The following NWD2 variants were observed in gnomAD, a reference collection of about 807,000 sequenced individuals.
The protein encoded by NWD2 is NACHT and WD repeat domain-containing protein 2.
In NWD2, 37 loss-of-function variants were observed where a neutral mutation model predicts 132.7. That is an observed-to-expected ratio of 0.28 (90% CI 0.21 to 0.37). NWD2 has a LOEUF of 0.37. NWD2 is among the 10% of genes least tolerant of loss of function. NWD2 has a pLI of 1.00. For synonymous variants in NWD2, 705 were observed against 803.0 expected (o/e 0.88, Z 2.06); for missense variants, 1,592 against 2,122.4 (o/e 0.75, Z 4.91).
chr4:37,244,856 G>A lies in NWD2; in HGVS notation c.-212G>A, dbSNP rs1341099119. ...AGGCCCAGAAGGGCAGGAGACCGCC[G>A]CGACAGGAGCCCGAGGGTCCGTATG... On this transcript the variant is annotated 5_prime_UTR_variant, in exon 1 of 7. Coordinates refer to ENST00000309447, the MANE Select transcript of NWD2 (RefSeq NM_001144990.2). The surrounding 1 kb of genome is among the most constrained non-coding windows in gnomAD (Gnocchi z 5.5). 1.2e-5 allele frequency: 7 copies of A among 577,062 alleles called. No homozygotes were observed. Among genetic ancestry groups the A allele is most frequent in the Middle Eastern group, 9.3e-4 (2 of 2,144 alleles). 35.7% of individuals were successfully genotyped at this position (577,062 alleles called of 1,614,324 possible). A position where few individuals can be genotyped will look rare whatever the true frequency, so the allele number is the denominator to read the frequency against.
intron 3 of NWD2, among the ~76,000 whole-genome samples, chr4:37,421,229 T>C (rs1274681700): frequency 6.6e-6 from 1 of 152,178 alleles, no homozygotes; most frequent in East Asian, 1.9e-4. Flanking sequence ...ATTCCAGTAA[T>C]CCTTACACAT....
intron 3 of NWD2, among the ~76,000 whole-genome samples, chr4:37,423,203 G>A (rs1019308695): frequency 6.6e-6 from 1 of 152,112 alleles, no homozygotes; most frequent in African/African-American, 2.4e-5. Flanking sequence ...CTTCATGTCT[G>A]TTGGTGCCAA....
At chr4:37,357,801 G>A (rs944138151) in intron 3 of NWD2, among the ~76,000 whole-genome samples, 4 of 152,048 alleles carry the variant, frequency 2.6e-5, no homozygotes, top group Admixed American at 6.6e-5. Flanking sequence ...GAATACCAGC[G>A]AGGGGAGAGA....
At chr4:37,248,345 G>A (rs1159136197) in intron 1 of NWD2, among the ~76,000 whole-genome samples, 2 of 152,140 alleles carry the variant, frequency 1.3e-5, no homozygotes, top group African/African-American at 2.4e-5. Flanking sequence ...ATTTCAAAAT[G>A]TGCTGGACTC....
chr4:37,441,529 G>C (rs1712484760), intron 6 of NWD2, among the ~76,000 whole-genome samples: 1 of 152,220 alleles, frequency 6.6e-6, no homozygotes, highest in South Asian at 2.1e-4. Context: ...AAGAGGTCAA[G>C]ACTTATGTGG....
intron 1 of NWD2, among the ~76,000 whole-genome samples, chr4:37,294,372 T>G (rs976309002): frequency 4.3e-4 from 65 of 152,282 alleles, no homozygotes; most frequent in African/African-American, 1.4e-3. Flanking sequence ...ATGTCTGCTT[T>G]TATATGCCCC....
chr4:37,419,077 G>A (rs2928284), intron 3 of NWD2, among the ~76,000 whole-genome samples: 35,167 of 151,908 alleles, frequency 0.23, 4,921 homozygotes, highest in Non-Finnish European at 0.3. Context: ...ACAGAACAGA[G>A]GCCTCAGAAA....
At chr4:37,277,377 C>G (rs1346942276) in intron 1 of NWD2, among the ~76,000 whole-genome samples, 1 of 151,218 alleles carries the variant, frequency 6.6e-6, no homozygotes, top group Admixed American at 6.6e-5. Flanking sequence ...GCCTTTTTTT[C>G]TCTTCTTCTG....
intron 1 of NWD2, among the ~76,000 whole-genome samples, chr4:37,276,667 C>T (rs540512424): frequency 1.3e-5 from 2 of 152,124 alleles, no homozygotes; most frequent in South Asian, 4.2e-4. Flanking sequence ...AATCATGCTG[C>T]TATAAAGACA....
intron 3 of NWD2, among the ~76,000 whole-genome samples, chr4:37,384,647 T>A (rs1720522469): frequency 6.6e-6 from 1 of 152,222 alleles, no homozygotes. Context: ...CTCAGCTATG[T>A]CTTCTCTTGC....
intron 1 of NWD2, among the ~76,000 whole-genome samples, chr4:37,285,099 C>G (rs1718202400): frequency 6.6e-6 from 1 of 152,108 alleles, no homozygotes; most frequent in Admixed American, 6.6e-5. Context: ...CGTTTCTACA[C>G]CCAGCCCCTT....
intron 2 of NWD2, among the ~76,000 whole-genome samples, chr4:37,329,587 T>C (rs1022982658): frequency 6.6e-6 from 1 of 151,476 alleles, no homozygotes; most frequent in East Asian, 2.0e-4. Context: ...CACACTCCAG[T>C]CTGGACAACA....
Position 37,400,493 on chromosome 4 carries a change from G to T in NWD2, c.358-30079G>T, listed in dbSNP as rs192745807. Among the ~76,000 whole-genome samples, 11 of 152,226 alleles carry T rather than the reference G, an allele frequency of 7.2e-5. 2 individuals are homozygous for T. Among genetic ancestry groups the T allele is most frequent in the African/African-American group, 2.6e-4 (11 of 41,544 alleles). On this transcript the variant is annotated intron_variant, in intron 3 of 6. Coordinates refer to ENST00000309447, the MANE Select transcript of NWD2 (RefSeq NM_001144990.2). The stretch of plus-strand genomic sequence containing the variant: ...CTCTCATCATCAATTCACTTAGAAG[G>T]ACCATTTTCAATAGAAAAATGTACC...
At chr4:37,292,463 TG>T (rs144954371) in intron 1 of NWD2, among the ~76,000 whole-genome samples, 1,738 of 152,258 alleles carry the variant, frequency 0.011, 39 homozygotes, top group African/African-American at 0.04. Flanking sequence ...TTCAGTGCCT[TG>T]ATCTTGGACT....
At chr4:37,430,423 A>C in intron 3 of NWD2, 149 bp from the exon 4 acceptor site, 1 of 628,460 alleles carries the variant, frequency 1.6e-6, no homozygotes, top group Non-Finnish European at 2.8e-6. Flanking sequence ...TTAGGAAATC[A>C]ACTATCCACT....
At chr4:37,253,611 G>A (rs1440890535) in intron 1 of NWD2, among the ~76,000 whole-genome samples, 1 of 152,116 alleles carries the variant, frequency 6.6e-6, no homozygotes, top group East Asian at 1.9e-4. Flanking sequence ...AAGACAATGA[G>A]GTACAAGCTA....
In NWD2 at chr4:37,245,211, C is replaced by A; in HGVS notation, c.144C>A (p.Asn48Lys). Residue 48 changes from asparagine (N) to lysine (K), a missense_variant, in exon 1 of 7, where the codon AAC (asparagine) becomes AAA (lysine). This residue lies in a region of NWD2 where 88 missense variants were observed against 92.8 expected (regional missense o/e 0.95). Coordinates refer to ENST00000309447, the MANE Select transcript of NWD2 (RefSeq NM_001144990.2). ...GCGTCCGGGTCTTCATCAGCGCCAACCCTGAAGGTACGTCCCTCGCTCGGG... is the reference window on the plus strand; with the variant it reads ...GCGTCCGGGTCTTCATCAGCGCCAAACCTGAAGGTACGTCCCTCGCTCGGG... ...GRSVRVFISA[N>K]PEDTGAERQA... 6.5e-7 allele frequency: 1 copy of A among 1,538,776 alleles called. No individual in the cohort carries two copies. The highest frequency in any genetic ancestry group is 8.7e-7 in the Non-Finnish European group (1 of 1,144,656).
chr4:37,444,190 C>CA lies in NWD2; in HGVS notation c.2203dup (p.Arg735LysfsTer15). 1 of 1,551,666 alleles carries CA rather than the reference C, an allele frequency of 6.4e-7. No homozygotes were observed. The highest frequency in any genetic ancestry group is 8.7e-7 in the Non-Finnish European group (1 of 1,146,976). On this transcript the variant is annotated frameshift_variant, in exon 7 of 7. Coordinates refer to ENST00000309447, the MANE Select transcript of NWD2 (RefSeq NM_001144990.2). LOFTEE classifies it high-confidence loss of function. The surrounding 1 kb of genome is among the most constrained non-coding windows in gnomAD (Gnocchi z 4.8). ...ATGTCACACTCCTAGTCTGGGCCAA[C>CA]AGACACCTGCAGCTCATAGCCCAGA...
At chr4:37,261,006 CTTAA>C (rs1391645323) in intron 1 of NWD2, among the ~76,000 whole-genome samples, 1 of 152,176 alleles carries the variant, frequency 6.6e-6, no homozygotes, top group Admixed American at 6.6e-5. Flanking sequence ...AAACAAGTTA[CTTAA>C]TTTATCCAGT....
Sources: gnomAD v4.1 joint callset for allele counts (sites outside exome capture counted in the v4.1 genomes callset) on GRCh38, gnomAD v4.1.1 for gene constraint, gnomAD v4.1.1 regional missense constraint, Gnocchi (gnomAD v3.1) non-coding constraint, MANE v1.5 for transcripts, NCBI Gene and HGNC (gene_info 2026-07-23, HGNC 2026-07-21) for gene names.